The following CHRM3 variants were observed in gnomAD, a reference collection of about 807,000 sequenced individuals.
The protein encoded by CHRM3 is cholinergic receptor muscarinic 3.
In CHRM3, 11 loss-of-function variants were observed where a neutral mutation model predicts 41.8. The observed-to-expected ratio is 0.26, with a 90% CI of 0.17 to 0.44. CHRM3 has a LOEUF of 0.44. Among genes scored for constraint, CHRM3 ranks in the 20% least tolerant of loss-of-function variants. The pLI is 1.00. For missense variants in CHRM3, 571 were observed against 745.4 expected, an observed-to-expected ratio of 0.77 and a Z score of 2.72; for synonymous variants, 297 against 301.4, an observed-to-expected ratio of 0.99 and a Z score of 0.15.
intron 2 of CHRM3, among the ~76,000 whole-genome samples, chr1:239,542,267 G>C (rs572477226): frequency 1.3e-5 from 2 of 152,068 alleles, no homozygotes; most frequent in Non-Finnish European, 2.9e-5. Context: ...CTAGGGATTG[G>C]TAAGAATTAG....
intron 4 of CHRM3, among the ~76,000 whole-genome samples, chr1:239,672,582 T>C (rs1236729881): frequency 7.1e-6 from 1 of 139,872 alleles, no homozygotes; most frequent in Non-Finnish European, 1.5e-5. Flanking sequence ...ATTTAAACCA[T>C]GTCTCTTTCT....
intron 3 of CHRM3, among the ~76,000 whole-genome samples, chr1:239,581,025 G>C (rs558920486): frequency 6.6e-6 from 1 of 151,866 alleles, no homozygotes; most frequent in East Asian, 2.0e-4. Context: ...ATACTGCAAA[G>C]TTGCATTTTG....
At chr1:239,871,774 A>C (rs1255137105) in intron 6 of CHRM3, among the ~76,000 whole-genome samples, 1 of 152,204 alleles carries the variant, frequency 6.6e-6, no homozygotes, top group African/African-American at 2.4e-5. Flanking sequence ...TTACTGCCTT[A>C]GACCTGATAA....
Position 239,734,465 on chromosome 1 carries a change from T to C in CHRM3, c.-147+56177T>C, listed in dbSNP as rs189755663. On this transcript the variant is annotated intron_variant, in intron 5 of 6. Transcript: ENST00000676153. ...ATAATACAAGAAAATTGGTAACTTT[T>C]ACAGAATGCTAGGGGCAGAGCACAA... Among the ~76,000 whole-genome samples the C allele has an allele frequency of 1.6e-3, 241 of 152,220 alleles. 2 individuals carry two copies. Among genetic ancestry groups the C allele is most frequent in the Middle Eastern group, 6.8e-3 (2 of 294 alleles).
At chr1:239,433,235 A>G (rs1231843162) in intron 1 of CHRM3, among the ~76,000 whole-genome samples, 2 of 152,180 alleles carry the variant, frequency 1.3e-5, no homozygotes, top group Non-Finnish European at 2.9e-5. Context: ...TATACTAAGA[A>G]TCTAAAGAAT....
At chr1:239,407,417 T>TATATATATATAGAGAGAGAG in intron 1 of CHRM3, among the ~76,000 whole-genome samples, 1 of 134,124 alleles carries the variant, frequency 7.5e-6, no homozygotes, top group African/African-American at 2.5e-5. Flanking sequence ...TATATATATA[T>TATATATATATAGAGAGAGAG]AGAGAGAGAG....
intron 5 of CHRM3, among the ~76,000 whole-genome samples, chr1:239,715,425 G>T (rs1490990875): frequency 1.3e-5 from 2 of 152,130 alleles, no homozygotes; most frequent in African/African-American, 2.4e-5. Flanking sequence ...GCTCTAATTT[G>T]TAGCTATTAC....
chr1:239,697,113 A>G (rs1413992172), intron 5 of CHRM3, among the ~76,000 whole-genome samples: 1 of 152,212 alleles, frequency 6.6e-6, no homozygotes, highest in Non-Finnish European at 1.5e-5. Flanking sequence ...TGCAAGTAAT[A>G]TCAATATGGC....
intron 6 of CHRM3, among the ~76,000 whole-genome samples, chr1:239,852,966 A>G (rs958673093): frequency 2.2e-4 from 33 of 152,082 alleles, no homozygotes; most frequent in Admixed American, 2.0e-3. Context: ...TTCTGTCATG[A>G]AAGTTTGGAC....
intron 1 of CHRM3, among the ~76,000 whole-genome samples, chr1:239,391,722 A>C (rs1267576976): frequency 6.6e-6 from 1 of 152,174 alleles, no homozygotes; most frequent in Non-Finnish European, 1.5e-5. Flanking sequence ...CTTCTCACCA[A>C]TTGTGCCAGT....
At chr1:239,869,597 T>C (rs1676402701) in intron 6 of CHRM3, among the ~76,000 whole-genome samples, 1 of 152,048 alleles carries the variant, frequency 6.6e-6, no homozygotes, top group Non-Finnish European at 1.5e-5. Flanking sequence ...TCACACCCTC[T>C]GGAATGAGCA....
At chr1:239,439,580 T>G (rs1032671678) in intron 1 of CHRM3, among the ~76,000 whole-genome samples, 1 of 152,106 alleles carries the variant, frequency 6.6e-6, no homozygotes, top group African/African-American at 2.4e-5. Context: ...CCTGATAAAT[T>G]GTTAGTTTTT....
chr1:239,858,787 G>C (rs1273557899), intron 6 of CHRM3, among the ~76,000 whole-genome samples: 7 of 152,212 alleles, frequency 4.6e-5, no homozygotes, highest in Admixed American at 3.9e-4. Flanking sequence ...TCCCCCAGCA[G>C]CTACCAGTCT....
At chr1:239,414,222 A>G (rs1452028929) in intron 1 of CHRM3, among the ~76,000 whole-genome samples, 1 of 152,106 alleles carries the variant, frequency 6.6e-6, no homozygotes, top group African/African-American at 2.4e-5. Context: ...CTATCTTTCT[A>G]TTCACAATTA....
chr1:239,744,339 AG>A (rs1400856766), intron 5 of CHRM3, among the ~76,000 whole-genome samples: 1 of 152,152 alleles, frequency 6.6e-6, no homozygotes, highest in Non-Finnish European at 1.5e-5. Flanking sequence ...TAAATATTCT[AG>A]GGGAAAAATA....
chr1:239,777,055 CT>C (rs751249917), intron 5 of CHRM3, among the ~76,000 whole-genome samples: 24 of 152,136 alleles, frequency 1.6e-4, no homozygotes, highest in Non-Finnish European at 2.6e-4. Flanking sequence ...ATAGTATATC[CT>C]TTATCCATGA....
intron 1 of CHRM3, among the ~76,000 whole-genome samples, chr1:239,474,327 T>C (rs1483646048): frequency 2.1e-4 from 32 of 152,136 alleles, no homozygotes; most frequent in Admixed American, 2.1e-3. Flanking sequence ...GCCTCATAAC[T>C]TGTAAGTTAG....
chr1:239,611,102 C>G (rs796123068), intron 3 of CHRM3, among the ~76,000 whole-genome samples: 1 of 151,954 alleles, frequency 6.6e-6, no homozygotes, highest in East Asian at 1.9e-4. Context: ...AATTTTTTAG[C>G]AACAAATTAT....
chr1:239,859,396 T>C (rs1264521973), intron 6 of CHRM3, among the ~76,000 whole-genome samples: 2 of 136,762 alleles, frequency 1.5e-5, no homozygotes, highest in African/African-American at 2.7e-5. Context: ...TGTTGGCCTG[T>C]TTTTTTTGTT....
Sources: allele counts gnomAD v4.1 joint callset (sites outside exome capture counted in the v4.1 genomes callset), GRCh38; gene constraint gnomAD v4.1.1; transcripts MANE v1.5; gene names NCBI Gene and HGNC (gene_info 2026-07-23, HGNC 2026-07-21).